Variants in CSMD3 observed in about 807,000 individuals in gnomAD.
CSMD3 encodes the protein CUB and sushi domain-containing protein 3.
In CSMD3, 177 loss-of-function variants were observed where a neutral mutation model predicts 435.2. That is an observed-to-expected ratio of 0.41 (90% CI 0.36 to 0.46). The LOEUF (loss-of-function observed/expected upper bound fraction) is 0.46. Ranked by LOEUF, CSMD3 falls within the 20% of genes least tolerant of loss-of-function variation. CSMD3 has a pLI of 0.34. For synonymous variants in CSMD3, 1,656 were observed against 1,520.5 expected, an observed-to-expected ratio of 1.09 and a Z score of -2.07; for missense variants, 4,265 against 4,504.6, an observed-to-expected ratio of 0.95 and a Z score of 1.52.
rs1364828548 is a variant in CSMD3 at position 112,990,246 on chromosome 8, T to G, written c.1031-14098A>C. Among the ~76,000 whole-genome samples, 6 of 152,006 alleles carry G rather than the reference T, an allele frequency of 3.9e-5. No individual in the cohort carries two copies. In the South Asian group the frequency reaches 1.0e-3, roughly 26 times the overall value. ...AATGGCACAAGGAGCAAAACTGAAG[T>G]GTCCCAATTTACAAAACTGTGTTAC... On this transcript the variant is annotated intron_variant, in intron 6 of 70. Transcript: ENST00000297405.
At chr8:112,801,645 A>G (rs2078965034) in intron 12 of CSMD3, among the ~76,000 whole-genome samples, 1 of 152,022 alleles carries the variant, frequency 6.6e-6, no homozygotes. Context: ...ACATCTTTTA[A>G]TTAAATTTTG....
chr8:112,709,405 C>G (rs1309997175), intron 13 of CSMD3, among the ~76,000 whole-genome samples: 1 of 151,908 alleles, frequency 6.6e-6, no homozygotes, highest in Non-Finnish European at 1.5e-5. Context: ...TTAGGACACG[C>G]TTGGGGAAGG....
At chr8:112,351,092 C>A (rs1168453992) in intron 40 of CSMD3, 83 bp downstream of exon 40, 5 of 874,436 alleles carry the variant, frequency 5.7e-6, no homozygotes, top group Non-Finnish European at 9.4e-6. Context: ...ACTTTAAAAT[C>A]TGATGAAGCT....
At chr8:113,383,905 G>A (rs1339808661) in intron 1 of CSMD3, among the ~76,000 whole-genome samples, 1 of 152,098 alleles carries the variant, frequency 6.6e-6, no homozygotes, top group Non-Finnish European at 1.5e-5. Context: ...TGGTCCCTCT[G>A]ATTTCAAGTG....
At chr8:113,117,663 C>T (rs2090873180) in intron 4 of CSMD3, among the ~76,000 whole-genome samples, 2 of 152,196 alleles carry the variant, frequency 1.3e-5, no homozygotes, top group South Asian at 4.1e-4. Context: ...CAACACCAGC[C>T]TGTAAAGGCA....
At position 112,383,627 on chromosome 8, in the gene CSMD3, C is replaced by T. The variant is rs2131255167; in HGVS notation, c.5971G>A (p.Asp1991Asn). Reference sequence around the variant, plus strand: ...CCCCCATCATAAAAGTCCAGAGAATCCCAATTATGTTCTGTAGCAAAGCTA... The same window carrying T: ...CCCCCATCATAAAAGTCCAGAGAATTCCAATTATGTTCTGTAGCAAAGCTA... ...VVSFATEHNW[D>N]SLDFYDGGDN... Residue 1991 changes from aspartate to asparagine, a missense_variant, in exon 37 of 71, where the codon GAT becomes AAT. By Grantham distance (23) the Asp-to-Asn change is conservative. This residue lies in a region of CSMD3 where 3,255 missense variants were observed against 3,380.2 expected (regional missense o/e 0.96). Coordinates refer to ENST00000297405, the MANE Select transcript of CSMD3 (RefSeq NM_198123.2). 6.2e-7 allele frequency: 1 copy of T among 1,609,428 alleles called. No homozygotes were observed.
intron 5 of CSMD3, among the ~76,000 whole-genome samples, chr8:113,081,752 G>A (rs912431630): frequency 2.0e-5 from 3 of 152,090 alleles, no homozygotes; most frequent in African/African-American, 7.2e-5. Context: ...AATGGTTGCA[G>A]CAACATGTCA....
chr8:112,490,768 A>G (rs1195854952), intron 31 of CSMD3, among the ~76,000 whole-genome samples: 1 of 152,108 alleles, frequency 6.6e-6, no homozygotes, highest in Non-Finnish European at 1.5e-5. Flanking sequence ...TTTTCTAGCT[A>G]AATTAGATTT....
At position 112,935,199 on chromosome 8, in the gene CSMD3, A is replaced by G. The variant is rs376807297; in HGVS notation, c.1508+12591T>C. Among the ~76,000 whole-genome samples, 11 of 152,074 alleles carry G rather than the reference A, an allele frequency of 7.2e-5. No individual in the cohort carries two copies. In the East Asian group the frequency reaches 1.9e-3, roughly 27 times the overall value. ...TTCTTGGCACATTTGATGAAAATCA[A>G]TCGGCTTTAAATGCATGAGTTTTTG... On this transcript the variant is annotated intron_variant, in intron 9 of 70. Transcript: ENST00000297405.
Position 112,304,794 on chromosome 8 carries a change from T to C in CSMD3, c.8193A>G (p.Gly2731=). 1.9e-6 allele frequency: 3 copies of C among 1,613,922 alleles called. No individual in the cohort carries two copies. Among genetic ancestry groups the C allele is most frequent in the Non-Finnish European group, 2.5e-6 (3 of 1,179,850 alleles). The change falls in exon 52 of 71, where the codon GGA becomes GGG. Residue 2731 remains glycine (G), a synonymous_variant. Transcript: ENST00000297405. ...VVFSCDPGYH[G]LGPASIECLP... The stretch of plus-strand genomic sequence containing the variant: ...GACATTCGATGGAGGCAGGACCTAG[T>C]CCATGATAACCAGGGTCACAGCTGA...
At chr8:113,190,182 C>T (rs980650835) in intron 3 of CSMD3, among the ~76,000 whole-genome samples, 28 of 151,648 alleles carry the variant, frequency 1.8e-4, no homozygotes, top group South Asian at 4.1e-4. Context: ...ACCTACTGAA[C>T]GCTAAAAATT....
At position 113,431,937 on chromosome 8, in the gene CSMD3, T is replaced by A. The variant is rs918021290; in HGVS notation, c.178+4740A>T. 3.9e-5 allele frequency among the ~76,000 whole-genome samples: 6 copies of A among 152,174 alleles called. 1 individual carries two copies. The highest frequency in any genetic ancestry group is 2.6e-4 in the Admixed American group (4 of 15,266). On this transcript the variant is annotated intron_variant, in intron 1 of 70. Coordinates refer to ENST00000297405, the MANE Select transcript of CSMD3 (RefSeq NM_198123.2). ...CAAATTAATTCAGCTACCCTACAAATAGAAATGCTAATTAATATCATGAAG... is the reference window on the plus strand; with the variant it reads ...CAAATTAATTCAGCTACCCTACAAAAAGAAATGCTAATTAATATCATGAAG...
At chr8:112,884,572 G>A (rs2081537434) in intron 10 of CSMD3, among the ~76,000 whole-genome samples, 1 of 151,682 alleles carries the variant, frequency 6.6e-6, no homozygotes, top group African/African-American at 2.4e-5. Context: ...ACAATTGAGG[G>A]GGAGTTGTGA....
intron 10 of CSMD3, among the ~76,000 whole-genome samples, chr8:112,906,523 C>T (rs1475501881): frequency 6.6e-6 from 1 of 151,460 alleles, no homozygotes; most frequent in Non-Finnish European, 1.5e-5. Flanking sequence ...TATTTCTTAC[C>T]TATTTTTTTC....
At chr8:112,994,735 G>T (rs183336122) in intron 6 of CSMD3, among the ~76,000 whole-genome samples, 1 of 151,356 alleles carries the variant, frequency 6.6e-6, no homozygotes, top group Non-Finnish European at 1.5e-5. Context: ...GCCTTTTCAC[G>T]TTATAGTACA....
chr8:112,849,884 T>A (rs1344113739), intron 11 of CSMD3, among the ~76,000 whole-genome samples: 2 of 152,014 alleles, frequency 1.3e-5, no homozygotes, highest in African/African-American at 2.4e-5. Context: ...GGGTTCTAGG[T>A]AGTAGGAAAG....
At chr8:112,402,498 G>C (rs1366784936) in intron 35 of CSMD3, among the ~76,000 whole-genome samples, 1 of 152,206 alleles carries the variant, frequency 6.6e-6, no homozygotes, top group African/African-American at 2.4e-5. Flanking sequence ...AAAGATTAAT[G>C]AACTAGTTTA....
At position 112,317,985 on chromosome 8, in the gene CSMD3, A is replaced by G. The variant is rs533776698; in HGVS notation, c.7360+852T>C. ...CATTTATGATAATTGTGTGTTAGGC[A>G]CTGTTCTGGGCCTAGGGGCTACACA... is the stretch of plus-strand genomic sequence containing the variant. On this transcript the variant is annotated intron_variant, in intron 47 of 70. Transcript: ENST00000297405. 2.0e-5 allele frequency among the ~76,000 whole-genome samples: 3 copies of G among 152,170 alleles called. No homozygotes were observed. The East Asian group carries it at 5.8e-4, about 29-fold the overall frequency.
chr8:112,468,800 T>C (rs935420827), intron 32 of CSMD3, among the ~76,000 whole-genome samples: 1 of 152,078 alleles, frequency 6.6e-6, no homozygotes, highest in Non-Finnish European at 1.5e-5. Context: ...ATTAGTCTTA[T>C]ATGTAGAATA....
Sources: gnomAD v4.1 joint callset for allele counts (sites outside exome capture counted in the v4.1 genomes callset) on GRCh38, gnomAD v4.1.1 for gene constraint, gnomAD v4.1.1 regional missense constraint, MANE v1.5 for transcripts, NCBI Gene and HGNC (gene_info 2026-07-23, HGNC 2026-07-21) for gene names.